QDPR: variants seen among roughly 807,000 people sequenced by gnomAD.
QDPR encodes the protein quinoid dihydropteridine reductase, also known as dihydropteridine reductase.
Under a neutral mutation model 31.7 loss-of-function variants are expected in QDPR, and 23 were observed. That is an observed-to-expected ratio of 0.73 (90% CI 0.52 to 1.03). The LOEUF (loss-of-function observed/expected upper bound fraction) is 1.03. Ranked by LOEUF, QDPR falls within the 50% of genes least tolerant of loss-of-function variation. The pLI, the probability that QDPR is intolerant of heterozygous loss-of-function variation, is 0.00. For missense variants in QDPR, 324 were observed against 323.8 expected, an observed-to-expected ratio of 1.00 and a Z score of 0.00; for synonymous variants, 124 against 124.7, an observed-to-expected ratio of 0.99 and a Z score of 0.03.
chr4:17,511,981 C>G lies in QDPR; in HGVS notation c.74G>C (p.Arg25Pro), dbSNP rs1439848923. 1.2e-6 allele frequency: 2 copies of G among 1,611,020 alleles called. No individual in the cohort carries two copies. The highest frequency in any genetic ancestry group is 3.3e-5 in the Admixed American group (2 of 59,944). Residue 25 changes from arginine (R) to proline (P), a missense_variant, in exon 1 of 7, where the codon CGA becomes CCA. Arg to Pro is a moderately radical substitution (Grantham distance 103, BLOSUM62 -2). Coordinates refer to ENST00000281243, the MANE Select transcript of QDPR (RefSeq NM_000320.3). ...VYGGRGALGS[R>P]CVQAFRARNW... ...GCGGGCCCGAAAAGCCTGCACGCAT[C>G]GAGAACCCAGAGCGCCCCTGCCGCC...
At chr4:17,508,615 T>C (rs903744825) in intron 2 of QDPR, among the ~76,000 whole-genome samples, 2 of 143,254 alleles carry the variant, frequency 1.4e-5, no homozygotes, top group African/African-American at 5.3e-5. Flanking sequence ...TTCAGTAATC[T>C]GGAGAATTAT....
At chr4:17,508,047 T>A (rs956062257) in intron 2 of QDPR, among the ~76,000 whole-genome samples, 5 of 152,262 alleles carry the variant, frequency 3.3e-5, no homozygotes, top group Non-Finnish European at 7.3e-5. Context: ...TTTTGTTTTA[T>A]AATATGCATA....
At chr4:17,504,173 C>T (rs1013908638) in intron 3 of QDPR, among the ~76,000 whole-genome samples, 2 of 152,126 alleles carry the variant, frequency 1.3e-5, no homozygotes, top group South Asian at 2.1e-4. Flanking sequence ...ACTCAATGCC[C>T]CCCGTCCCCT....
chr4:17,493,055 C>T (rs917957977), intron 4 of QDPR, among the ~76,000 whole-genome samples: 1 of 152,184 alleles, frequency 6.6e-6, no homozygotes, highest in Non-Finnish European at 1.5e-5. Context: ...CTCTCTAATC[C>T]TCAGTTGCTG....
intron 1 of QDPR, among the ~76,000 whole-genome samples, chr4:17,511,504 C>T (rs1255817163): frequency 6.6e-6 from 1 of 152,182 alleles, no homozygotes; most frequent in Non-Finnish European, 1.5e-5. Context: ...ATCGTCCCAA[C>T]TCTCACTGTC....
At chr4:17,507,589 A>C (rs538672581) in intron 2 of QDPR, among the ~76,000 whole-genome samples, 1 of 143,334 alleles carries the variant, frequency 7.0e-6, no homozygotes, top group Non-Finnish European at 1.5e-5. Context: ...AAGAGCATCA[A>C]AGATTTTTCT....
chr4:17,492,234 G>T lies in QDPR; in HGVS notation c.543C>A (p.Leu181=). 6.2e-7 allele frequency: 1 copy of T among 1,613,526 alleles called. No individual in the cohort carries two copies. Among genetic ancestry groups the T allele is most frequent in the Non-Finnish European group, 8.5e-7 (1 of 1,179,696 alleles). ...GCCAGGGAACCCCAAGCACTTACGG[G>T]AGCACAGCGATGGCGGCTGCCCCGG... The part of the protein sequence containing the change: ...MPPGAAAIAV[L]PVTLDTPMNR... The change falls in exon 5 of 7, where the codon CTC becomes CTA. Residue 181 remains leucine (L), a splice_region_variant and synonymous_variant. Coordinates refer to ENST00000281243, the MANE Select transcript of QDPR (RefSeq NM_000320.3).
chr4:17,491,985 T>C (rs1718180987), intron 5 of QDPR, among the ~76,000 whole-genome samples: 2 of 152,244 alleles, frequency 1.3e-5, no homozygotes, highest in African/African-American at 4.8e-5. Flanking sequence ...GCCTTCATCT[T>C]GGACTTCCCA....
rs1018799274 is a variant in QDPR, at chr4:17,509,935, T to G, written c.106-572A>C. On this transcript the variant is annotated intron_variant, in intron 1 of 6. Coordinates refer to ENST00000281243, the MANE Select transcript of QDPR (RefSeq NM_000320.3). ...TGTAAAGGGCCAGATCACAATTACC[T>G]TAGGCTTTGCTGGCCATATGGTATC... The G allele has an allele frequency of 1.1e-5, 5 of 456,158 alleles. No individual in the cohort carries two copies. The East Asian group carries it at 3.5e-4, about 32-fold the overall frequency. 28.3% of individuals were successfully genotyped at this position (456,158 alleles called of 1,614,324 possible).
intron 2 of QDPR, among the ~76,000 whole-genome samples, chr4:17,505,923 A>G (rs1163351195): frequency 6.6e-6 from 1 of 152,172 alleles, no homozygotes; most frequent in Non-Finnish European, 1.5e-5. Context: ...CGCATCTCTC[A>G]ATCTCTGTCT....
chr4:17,494,401 C>T (rs141194303), intron 4 of QDPR, among the ~76,000 whole-genome samples: 101 of 152,236 alleles, frequency 6.6e-4, no homozygotes, highest in Admixed American at 2.2e-3. Flanking sequence ...AGTCTCCACC[C>T]GGGAGGAGCT....
Position 17,488,169 on chromosome 4 carries a change from G to A in QDPR, c.630-933C>T, listed in dbSNP as rs1202825456. 2.0e-5 allele frequency among the ~76,000 whole-genome samples: 3 copies of A among 151,888 alleles called. No individual in the cohort carries two copies. In the South Asian group the frequency reaches 6.2e-4, roughly 32 times the overall value. On this transcript the variant is annotated intron_variant, in intron 6 of 6. Coordinates refer to ENST00000281243, the MANE Select transcript of QDPR (RefSeq NM_000320.3). ...CCAGCTACTCAGGAGGCTGTGGTGG[G>A]ATGATTGCTTGAGCCCCGGAGATCA...
intron 1 of QDPR, 35 bp downstream of exon 1, chr4:17,511,915 C>T (rs1301174824): frequency 1.9e-6 from 3 of 1,597,528 alleles, no homozygotes; most frequent in Non-Finnish European, 2.6e-6. Flanking sequence ...CGGCCACCCC[C>T]GCGGAGACCC....
chr4:17,506,166 G>A (rs187750318), intron 2 of QDPR, among the ~76,000 whole-genome samples: 47 of 152,280 alleles, frequency 3.1e-4, no homozygotes, highest in African/African-American at 6.5e-4. Context: ...GTTGGGCTCT[G>A]TTGCCCAGAT....
chr4:17,500,238 C>T (rs1718513543), intron 4 of QDPR, among the ~76,000 whole-genome samples: 1 of 151,804 alleles, frequency 6.6e-6, no homozygotes, highest in Middle Eastern at 3.2e-3. Context: ...CAGGTGTGAG[C>T]CACTGCACCC....
At chr4:17,487,419 G>A (rs994454183) in intron 6 of QDPR, among the ~76,000 whole-genome samples, 183 bp from the exon 7 acceptor site, 2 of 152,062 alleles carry the variant, frequency 1.3e-5, no homozygotes, top group African/African-American at 4.8e-5. Context: ...GGAGGCCGAG[G>A]CGGGCAGATC....
intron 6 of QDPR, 53 bp downstream of exon 6, chr4:17,490,609 C>T: frequency 6.9e-7 from 1 of 1,452,824 alleles, no homozygotes; most frequent in Non-Finnish European, 9.7e-7. Flanking sequence ...CCACAGCAGG[C>T]AGAGAATAGG....
intron 6 of QDPR, among the ~76,000 whole-genome samples, chr4:17,489,626 A>G (rs1718088051): frequency 6.6e-6 from 1 of 152,166 alleles, no homozygotes; most frequent in Non-Finnish European, 1.5e-5. Flanking sequence ...CATCCCTCCA[A>G]GTCTCTAAGC....
At chr4:17,504,540 C>A in intron 2 of QDPR, 65 bp from the exon 3 acceptor site, 1 of 1,297,588 alleles carries the variant, frequency 7.7e-7, no homozygotes, top group East Asian at 2.3e-5. Context: ...AGCATCTTTA[C>A]GGATACTCAG....
Sources: gnomAD v4.1 joint callset for allele counts (sites outside exome capture counted in the v4.1 genomes callset) on GRCh38, gnomAD v4.1.1 for gene constraint, MANE v1.5 for transcripts, NCBI Gene and HGNC (gene_info 2026-07-23, HGNC 2026-07-21) for gene names.